Variants in EBF2 observed in about 807,000 individuals in gnomAD.
EBF2 encodes transcription factor COE2.
Under a neutral mutation model 72.8 loss-of-function variants are expected in EBF2, and 21 were observed. The ratio of observed to expected loss-of-function variants is 0.29; its 90% CI spans 0.20 to 0.42. The LOEUF (loss-of-function observed/expected upper bound fraction) is 0.42. Ranked by LOEUF, EBF2 falls within the 10% of genes least tolerant of loss-of-function variation. EBF2 has a pLI of 1.00. For missense variants in EBF2, 637 were observed against 731.2 expected (o/e 0.87, Z 1.49); for synonymous variants, 299 against 274.2 (o/e 1.09, Z -0.89).
intron 14 of EBF2, among the ~76,000 whole-genome samples, chr8:25,856,917 T>C (rs1348737788): frequency 6.6e-6 from 1 of 152,254 alleles, no homozygotes; most frequent in Non-Finnish European, 1.5e-5. Context: ...ATGCTGGCCC[T>C]GGCATTTTCT....
chr8:26,025,357 G>A (rs890259759), intron 6 of EBF2, among the ~76,000 whole-genome samples: 8 of 151,996 alleles, frequency 5.3e-5, no homozygotes, highest in Non-Finnish European at 8.8e-5. Flanking sequence ...TATTGTATTC[G>A]CTGCTGATCT....
At chr8:26,028,450 C>T (rs1042101304) in intron 6 of EBF2, among the ~76,000 whole-genome samples, 4 of 152,152 alleles carry the variant, frequency 2.6e-5, no homozygotes, top group African/African-American at 9.7e-5. Context: ...GGGTAGCCTA[C>T]GAAGATTCAA....
chr8:26,012,180 C>G (rs1272483832), intron 6 of EBF2, among the ~76,000 whole-genome samples: 1 of 151,980 alleles, frequency 6.6e-6, no homozygotes, highest in Non-Finnish European at 1.5e-5. Flanking sequence ...TGTTTTTGTC[C>G]TTAAAGTCCA....
intron 6 of EBF2, among the ~76,000 whole-genome samples, chr8:25,955,131 A>G (rs1803924901): frequency 6.6e-6 from 1 of 152,230 alleles, no homozygotes; most frequent in Non-Finnish European, 1.5e-5. Flanking sequence ...TCACAGCGAC[A>G]AGAGCATACC....
At chr8:25,903,448 C>T (rs562673455) in intron 7 of EBF2, among the ~76,000 whole-genome samples, 2 of 152,134 alleles carry the variant, frequency 1.3e-5, no homozygotes, top group African/African-American at 4.8e-5. Flanking sequence ...GTAATCCCAG[C>T]ACTTTGGGAG....
chr8:25,929,297 T>A (rs1803441336), intron 6 of EBF2, among the ~76,000 whole-genome samples: 1 of 152,336 alleles, frequency 6.6e-6, no homozygotes, highest in South Asian at 2.1e-4. Flanking sequence ...CAGGGCATCC[T>A]GGCTCCACAG....
rs1331613410 is a variant in EBF2 at position 26,042,177 on chromosome 8, A to T, written c.206T>A (p.Phe69Tyr). 1.2e-6 allele frequency: 2 copies of T among 1,614,174 alleles called. No individual in the cohort carries two copies. Among genetic ancestry groups the T allele is most frequent in the Non-Finnish European group, 1.7e-6 (2 of 1,180,032 alleles). Residue 69 changes from phenylalanine (F) to tyrosine (Y), a missense_variant, in exon 2 of 16, where the codon TTC (phenylalanine) becomes TAC (tyrosine). Physicochemically the swap from Phe to Tyr is conservative, Grantham distance 22 (BLOSUM62 3). Coordinates refer to ENST00000520164, the MANE Select transcript of EBF2 (RefSeq NM_022659.4). ...SNLRKSNFFH[F>Y]VLALYDRQGQ... ...CTGCCTGTCATAGAGCGCCAGGACG[A>T]AGTGAAAGAAGTTGGATTTCCTCAA...
At chr8:25,973,927 C>CT (rs1205118457) in intron 6 of EBF2, among the ~76,000 whole-genome samples, 7 of 152,144 alleles carry the variant, frequency 4.6e-5, no homozygotes, top group African/African-American at 1.7e-4. Flanking sequence ...ATTCACCCAC[C>CT]TCAGCCTCCC....
chr8:26,015,045 G>C (rs1805086269), intron 6 of EBF2, among the ~76,000 whole-genome samples: 1 of 152,160 alleles, frequency 6.6e-6, no homozygotes, highest in East Asian at 1.9e-4. Flanking sequence ...ACAGGTGCTG[G>C]AATAGAATTA....
intron 6 of EBF2, among the ~76,000 whole-genome samples, chr8:25,939,994 T>G (rs1585202212): frequency 6.6e-6 from 1 of 152,314 alleles, no homozygotes; most frequent in Non-Finnish European, 1.5e-5. Context: ...ATAAAGAGAA[T>G]TTTTGCATGA....
At chr8:25,886,492 G>C (rs1052705916) in intron 10 of EBF2, among the ~76,000 whole-genome samples, 12 of 152,308 alleles carry the variant, frequency 7.9e-5, no homozygotes, top group African/African-American at 2.9e-4. Flanking sequence ...GTTACAGCAT[G>C]GTTCCAACAG....
At chr8:26,026,553 T>C (rs1805305188) in intron 6 of EBF2, among the ~76,000 whole-genome samples, 1 of 152,318 alleles carries the variant, frequency 6.6e-6, no homozygotes, top group Admixed American at 6.5e-5. Context: ...TTTGCTGCAC[T>C]GCACTATCCA....
intron 10 of EBF2, among the ~76,000 whole-genome samples, chr8:25,880,289 G>C (rs977233245): frequency 6.6e-6 from 1 of 152,062 alleles, no homozygotes; most frequent in Non-Finnish European, 1.5e-5. Context: ...TTTGCTTGAT[G>C]GTGCCTGTCT....
At chr8:25,870,089 C>CA (rs1387918737) in intron 10 of EBF2, among the ~76,000 whole-genome samples, 10 of 152,276 alleles carry the variant, frequency 6.6e-5, no homozygotes, top group Non-Finnish European at 1.3e-4. Context: ...GCTACAGATG[C>CA]AAAAGCATGA....
chr8:25,868,256 GCACAGTA>G (rs997145531), intron 10 of EBF2, among the ~76,000 whole-genome samples: 3 of 152,116 alleles, frequency 2.0e-5, no homozygotes, highest in African/African-American at 7.2e-5. Context: ...AAGGTGTCCT[GCACAGTA>G]TGTGCCTTTT....
At chr8:25,876,730 G>C (rs575064906) in intron 10 of EBF2, among the ~76,000 whole-genome samples, 1 of 152,302 alleles carries the variant, frequency 6.6e-6, no homozygotes, top group South Asian at 2.1e-4. Context: ...GTTAAGAGCA[G>C]AACTTTGGAA....
In EBF2 at chr8:25,861,133, C is replaced by T. The variant is rs1262524148; in HGVS notation, c.1258G>A (p.Ala420Thr). ...TTGATTCCCATCATGCCACTGTGCG[C>T]TGGGGAGCTAGAGAGGGCTGGAAGC... ...SQLPALSSSP[A>T]HSGMMGINSY... The change falls in exon 13 of 16, where the codon GCG becomes ACG. Residue 420 changes from alanine to threonine, a missense_variant. Physicochemically the swap from Ala to Thr is moderately conservative, Grantham distance 58 (BLOSUM62 0). Coordinates refer to ENST00000520164, the MANE Select transcript of EBF2 (RefSeq NM_022659.4). 1 of 1,614,154 alleles carries T rather than the reference C, an allele frequency of 6.2e-7. No individual in the cohort carries two copies. The highest frequency in any genetic ancestry group is 2.2e-5 in the East Asian group (1 of 44,876).
rs1802136354 is a variant in EBF2, at chr8:25,858,286, CATGGAGAGCCAAGTG to C, written c.1528+18_1528+32del. 6.8e-6 allele frequency: 11 copies of C among 1,611,936 alleles called. No homozygotes were observed. The East Asian group carries it at 2.5e-4, about 36-fold the overall frequency. On this transcript the variant is annotated intron_variant, in intron 14 of 15. Coordinates refer to ENST00000520164, the MANE Select transcript of EBF2 (RefSeq NM_022659.4). ...ATAGTAAAACCCAGAGACAAAAAAGCATGGAGAGCCAAGTGATGGAGAGGTCACTTACTTCCATAA... is the reference window on the plus strand; with the variant it reads ...ATAGTAAAACCCAGAGACAAAAAAGCATGGAGAGGTCACTTACTTCCATAA...
chr8:26,015,806 A>G (rs1358796235), intron 6 of EBF2, among the ~76,000 whole-genome samples: 1 of 152,192 alleles, frequency 6.6e-6, no homozygotes, highest in African/African-American at 2.4e-5. Context: ...GCCTAGGCCA[A>G]TGAAGCCTAC....
Sources: gnomAD v4.1 joint callset for allele counts (sites outside exome capture counted in the v4.1 genomes callset) on GRCh38, gnomAD v4.1.1 for gene constraint, MANE v1.5 for transcripts, NCBI Gene and HGNC (gene_info 2026-07-23, HGNC 2026-07-21) for gene names.